Variants in RAD51AP2 observed in about 807,000 individuals in gnomAD.
RAD51AP2 encodes RAD51 associated protein 2, also known as RAD51-associated protein 2.
In RAD51AP2, 67 loss-of-function variants were observed where a neutral mutation model predicts 85.5. The observed-to-expected ratio is 0.78, with a 90% CI of 0.64 to 0.96. The LOEUF is 0.96. Among genes scored for constraint, RAD51AP2 ranks in the 40% least tolerant of loss-of-function variants. The pLI is 0.00. For missense variants in RAD51AP2, 1,307 were observed against 1,332.4 expected (o/e 0.98, Z 0.30); for synonymous variants, 474 against 446.5 (o/e 1.06, Z -0.78).
At position 17,517,352 on chromosome 2, in the gene RAD51AP2, C is replaced by G. The variant is rs1489163850; in HGVS notation, c.1064G>C (p.Ser355Thr). The change falls in exon 1 of 3, where the codon AGT becomes ACT. Residue 355 changes from serine (S) to threonine (T), a missense_variant. Transcript: ENST00000399080. The stretch of plus-strand genomic sequence containing the variant: ...AGAGTCTCTTACATTACACTGGATA[C>G]TACTGCAGTTACAGTAGTTTGAACT... ...LISSNYCNCS[S>T]IQCNVRDSRK... 1 of 1,613,872 alleles carries G rather than the reference C, an allele frequency of 6.2e-7. No individual in the cohort carries two copies. Among genetic ancestry groups the G allele is most frequent in the African/African-American group, 1.3e-5 (1 of 75,030 alleles).
chr2:17,516,227 G>A lies in RAD51AP2; in HGVS notation c.2189C>T (p.Thr730Ile), dbSNP rs767951512. Reference protein sequence around the residue: ...VENWAHYNSSTVKAHGNSCPQ... With the variant: ...VENWAHYNSSIVKAHGNSCPQ... ...ACAAGAATTACCATGTGCTTTAACA[G>A]TACTAGAATTATAGTGAGCCCAATT... The change falls in exon 1 of 3, where the codon ACT becomes ATT. Residue 730 changes from threonine (T) to isoleucine (I), a missense_variant. Physicochemically the swap from Thr to Ile is moderately conservative, Grantham distance 89. Around this residue, in one of 3 missense-constraint regions of RAD51AP2, gnomAD observed 668 missense variants for 671.0 expected, o/e 1.00. Transcript: ENST00000399080. The A allele has an allele frequency of 1.9e-6, 3 of 1,612,948 alleles. No homozygotes were observed. The South Asian group carries it at 3.3e-5, about 18-fold the overall frequency.
Position 17,517,417 on chromosome 2 carries a change from T to TG in RAD51AP2, c.998dup (p.Leu334ThrfsTer3). 1 of 1,613,690 alleles carries TG rather than the reference T, an allele frequency of 6.2e-7. No homozygotes were observed. Among genetic ancestry groups the TG allele is most frequent in the Non-Finnish European group, 8.5e-7 (1 of 1,179,888 alleles). On this transcript the variant is annotated frameshift_variant, in exon 1 of 3. Transcript: ENST00000399080. LOFTEE classifies it high-confidence loss of function. ...TCTTACAAGTATTTTGGCTACTGAGTGATGGGTAGTCATTTTCATAACATT... is the reference window on the plus strand; with the variant it reads ...TCTTACAAGTATTTTGGCTACTGAGTGGATGGGTAGTCATTTTCATAACATT...
upstream of RAD51AP2, among the ~76,000 whole-genome samples, chr2:17,522,622 T>G (rs1233565484): frequency 6.6e-6 from 1 of 152,018 alleles, no homozygotes; most frequent in Non-Finnish European, 1.5e-5. Context: ...AAGAACCCTG[T>G]CGCTGAAATA....
chr2:17,510,990 A>G (rs1009281040), intron 2 of RAD51AP2, 35 bp from the exon 3 acceptor site: 1 of 1,463,600 alleles, frequency 6.8e-7, no homozygotes, highest in African/African-American at 1.4e-5. Flanking sequence ...AAAAATTATC[A>G]ATAGTTTCTA....
intron 2 of RAD51AP2, among the ~76,000 whole-genome samples, chr2:17,512,886 A>C (rs970424379): frequency 1.3e-5 from 2 of 152,222 alleles, no homozygotes; most frequent in Non-Finnish European, 2.9e-5. Context: ...AGCTAAGAAA[A>C]GAGGAAAAGA....
upstream of RAD51AP2, among the ~76,000 whole-genome samples, chr2:17,519,116 A>C (rs569677125): frequency 3.3e-4 from 51 of 152,256 alleles, no homozygotes; most frequent in African/African-American, 1.2e-3. Flanking sequence ...AAAATAGTTT[A>C]CTATGTGCTG....
Position 17,518,385 on chromosome 2 carries a change from C to T in RAD51AP2, c.31G>A (p.Ala11Thr). The T allele has an allele frequency of 6.2e-7, 1 of 1,612,950 alleles. No homozygotes were observed. The highest frequency in any genetic ancestry group is 1.1e-5 in the South Asian group (1 of 91,004). The change falls in exon 1 of 3, where the codon GCC becomes ACC. Residue 11 changes from alanine to threonine, a missense_variant. Ala to Thr is a moderately conservative substitution (Grantham distance 58). This residue lies in a region of RAD51AP2 where 635 missense variants were observed against 643.6 expected (regional missense o/e 0.99). Transcript: ENST00000399080. ...GAGGAGGTAGGCTTTCTGAGCTCGG[C>T]CATCCGCGGCGTGGGCTGAGGGAGA... MSLPQPTPRM[A>T]ELRKPTSSLT...
In RAD51AP2 at chr2:17,517,469, GTTTT is replaced by G. The variant is rs760866110; in HGVS notation, c.943_946del (p.Lys315LeufsTer2). On this transcript the variant is annotated frameshift_variant, in exon 1 of 3. Transcript: ENST00000399080. LOFTEE classifies it high-confidence loss of function. ...GGAAAAAATGTTTTCCGCTTCTACA[GTTTT>G]TTTATCATTCTGTAACTTTTGCTTC... is the stretch of plus-strand genomic sequence containing the variant. 1 of 1,613,860 alleles carries G rather than the reference GTTTT, an allele frequency of 6.2e-7. No homozygotes were observed. The highest frequency in any genetic ancestry group is 8.5e-7 in the Non-Finnish European group (1 of 1,179,948).
upstream of RAD51AP2, among the ~76,000 whole-genome samples, chr2:17,520,041 T>C (rs527545966): frequency 6.6e-6 from 1 of 152,252 alleles, no homozygotes; most frequent in African/African-American, 2.4e-5. Flanking sequence ...CATTATTTTT[T>C]ATATCTCCAT....
In RAD51AP2 at chr2:17,515,493, G is replaced by T. The variant is rs767122499; in HGVS notation, c.2923C>A (p.Leu975Ile). Reference protein sequence around the residue: ...KRKFDLVLEELRMFHEISREN... With the variant: ...KRKFDLVLEEIRMFHEISREN... ...CTACTAATTTCATGAAACATACGAAGTTCTTCAAGTACTAAGTCAAATTTT... is the reference window on the plus strand; with the variant it reads ...CTACTAATTTCATGAAACATACGAATTTCTTCAAGTACTAAGTCAAATTTT... The change falls in exon 1 of 3, where the codon CTT (leucine) becomes ATT (isoleucine). Residue 975 changes from leucine to isoleucine, a missense_variant. Coordinates refer to ENST00000399080, the MANE Select transcript of RAD51AP2 (RefSeq NM_001099218.3). 3 of 1,613,214 alleles carry T rather than the reference G, an allele frequency of 1.9e-6. No homozygotes were observed. The highest frequency in any genetic ancestry group is 2.5e-6 in the Non-Finnish European group (3 of 1,179,688).
chr2:17,515,230 A>T lies in RAD51AP2; in HGVS notation c.3186T>A (p.Pro1062=). The T allele has an allele frequency of 6.2e-7, 1 of 1,608,294 alleles. No individual in the cohort carries two copies. Among genetic ancestry groups the T allele is most frequent in the African/African-American group, 1.3e-5 (1 of 74,882 alleles). ...TVPNNGEQEV[P]NESCYPSRSE... ...ATCTACTTGGATAACAACTCTCATT[A>T]GGAACTTCCTGTTCTCCATTATTGG... Residue 1062 remains proline (P), a synonymous_variant, in exon 1 of 3, where the codon CCT becomes CCA. Transcript: ENST00000399080.
At chr2:17,511,239 A>G (rs1465113947) in intron 2 of RAD51AP2, among the ~76,000 whole-genome samples, 2 of 152,192 alleles carry the variant, frequency 1.3e-5, no homozygotes, top group African/African-American at 4.8e-5. Context: ...AACCATCACA[A>G]CAAAACCATA....
At chr2:17,518,681 T>C (rs1027363523), upstream of RAD51AP2, among the ~76,000 whole-genome samples, 3 of 149,474 alleles carry the variant, frequency 2.0e-5, no homozygotes, top group South Asian at 2.2e-4. Flanking sequence ...GGCCGTTACA[T>C]TGTCTATTTT....
chr2:17,528,504 A>T, the RAD51AP2 span, among the ~76,000 whole-genome samples: 2 of 152,196 alleles, frequency 1.3e-5, no homozygotes, highest in African/African-American at 4.8e-5. Flanking sequence ...GACCTTGGAA[A>T]GCTATGATCA....
At chr2:17,530,259 T>TA in the RAD51AP2 span, among the ~76,000 whole-genome samples, 1 of 152,136 alleles carries the variant, frequency 6.6e-6, no homozygotes, top group Non-Finnish European at 1.5e-5. Flanking sequence ...GAGAAGGAAA[T>TA]AAAAAGCACA....
At chr2:17,533,821 A>G in the RAD51AP2 span, among the ~76,000 whole-genome samples, 2 of 152,198 alleles carry the variant, frequency 1.3e-5, no homozygotes, top group Non-Finnish European at 2.9e-5. Flanking sequence ...AGGCTGAAGC[A>G]GGAGGATCAC....
At position 17,516,535 on chromosome 2, in the gene RAD51AP2, T is replaced by G; in HGVS notation, c.1881A>C (p.Ala627=). The G allele has an allele frequency of 6.4e-7, 1 of 1,556,156 alleles. No homozygotes were observed. The highest frequency in any genetic ancestry group is 8.8e-7 in the Non-Finnish European group (1 of 1,137,454). ...AAGAAGTTAAAATCTTTACTAGATA[T>G]GCAGTATGATTTTCCACTATATTTT... ...YPKNIVENHT[A]YLVKILTSSR... The change falls in exon 1 of 3, where the codon GCA becomes GCC. Residue 627 remains alanine (A), a synonymous_variant. Coordinates refer to ENST00000399080, the MANE Select transcript of RAD51AP2 (RefSeq NM_001099218.3).
chr2:17,528,704 A>T, the RAD51AP2 span, among the ~76,000 whole-genome samples: 1 of 152,126 alleles, frequency 6.6e-6, no homozygotes, highest in Non-Finnish European at 1.5e-5. Flanking sequence ...TTAGCCTGGC[A>T]TGGTGGCACG....
Position 17,515,991 on chromosome 2 carries a change from T to C in RAD51AP2, c.2425A>G (p.Thr809Ala). 2.5e-6 allele frequency: 4 copies of C among 1,612,982 alleles called. No individual in the cohort carries two copies. The highest frequency in any genetic ancestry group is 3.4e-6 in the Non-Finnish European group (4 of 1,179,700). ...NIIHNEETHT[T>A]SITQVLNFWN... ...AAATTTAGTACTTGAGTTATAGAAG[T>C]GGTATGGGTCTCTTCATTATGTATT... is the stretch of plus-strand genomic sequence containing the variant. The change falls in exon 1 of 3, where the codon ACT (threonine) becomes GCT (alanine). Residue 809 changes from threonine to alanine, a missense_variant. Physicochemically the swap from Thr to Ala is moderately conservative, Grantham distance 58 (BLOSUM62 0). Transcript: ENST00000399080.
Sources: allele counts gnomAD v4.1 joint callset (sites outside exome capture counted in the v4.1 genomes callset), GRCh38; gene constraint gnomAD v4.1.1; regional missense constraint gnomAD v4.1.1; transcripts MANE v1.5; gene names NCBI Gene and HGNC (gene_info 2026-07-23, HGNC 2026-07-21).